FOXN3: variants seen among roughly 807,000 people sequenced by gnomAD.
FOXN3 encodes forkhead box N3.
A neutral mutation model predicts 38.4 loss-of-function variants in FOXN3; 7 were observed. The observed-to-expected ratio is 0.18, with a 90% CI of 0.10 to 0.34. The LOEUF is 0.34. FOXN3 is among the 10% of genes least tolerant of loss of function. The probability of loss-of-function intolerance (pLI) is 1.00; values close to 1 mark genes in which losing one functional copy is unlikely to be tolerated. For missense variants in FOXN3, 456 were observed against 613.4 expected (o/e 0.74, Z 2.71); for synonymous variants, 230 against 242.2 (o/e 0.95, Z 0.47).
At chr14:89,212,080 G>GA (rs1208367900) in intron 4 of FOXN3, among the ~76,000 whole-genome samples, 1 of 152,194 alleles carries the variant, frequency 6.6e-6, no homozygotes, top group Non-Finnish European at 1.5e-5. Flanking sequence ...AGCCAGACGT[G>GA]AAAGTCTGTA....
At chr14:89,255,924 C>G (rs1419162231) in intron 4 of FOXN3, among the ~76,000 whole-genome samples, 2 of 152,148 alleles carry the variant, frequency 1.3e-5, no homozygotes, top group Non-Finnish European at 2.9e-5. Flanking sequence ...GGCTCTCACA[C>G]TTTCGTTTTT....
intron 2 of FOXN3, among the ~76,000 whole-genome samples, chr14:89,397,135 G>C (rs1238017513): frequency 2.0e-5 from 3 of 152,108 alleles, no homozygotes; most frequent in African/African-American, 7.2e-5. Context: ...TCTTTTACGG[G>C]AACATGGATG....
At chr14:89,521,252 G>A (rs4904587) in intron 1 of FOXN3, among the ~76,000 whole-genome samples, 19,347 of 152,016 alleles carry the variant, frequency 0.13, 1,380 homozygotes, top group Middle Eastern at 0.18. Context: ...AGACGTTGCA[G>A]TGAGCCAAGA....
chr14:89,163,023 G>C lies in FOXN3; in HGVS notation c.852-54C>G. ...GGGAGACAAAGAAGGGACACAGTTA[G>C]ACGTCCTCAGATGGGGGCACCCGGC... On this transcript the variant is annotated intron_variant, in intron 5 of 5. Transcript: ENST00000557258. The surrounding 1 kb of genome is among the most constrained non-coding windows in gnomAD (Gnocchi z 4.3). The C allele has an allele frequency of 6.9e-7, 1 of 1,455,554 alleles. No individual in the cohort carries two copies. The highest frequency in any genetic ancestry group is 9.1e-7 in the Non-Finnish European group (1 of 1,102,722). The allele number at this position is 1,455,554 out of a possible 1,614,324, so 90.2% of individuals were successfully genotyped here.
intron 3 of FOXN3, among the ~76,000 whole-genome samples, chr14:89,288,108 T>A (rs1199094073): frequency 6.6e-6 from 1 of 151,672 alleles, no homozygotes; most frequent in Non-Finnish European, 1.5e-5. Flanking sequence ...CCTGCAAAGA[T>A]CCAAAATGGG....
At chr14:89,202,692 C>T (rs1241181005) in intron 4 of FOXN3, among the ~76,000 whole-genome samples, 2 of 152,100 alleles carry the variant, frequency 1.3e-5, no homozygotes, top group African/African-American at 2.4e-5. Flanking sequence ...AAGAGCCTGG[C>T]ACCTCCCTCC....
intron 1 of FOXN3, among the ~76,000 whole-genome samples, chr14:89,529,591 T>C (rs1566688101): frequency 6.6e-6 from 1 of 152,214 alleles, no homozygotes; most frequent in Non-Finnish European, 1.5e-5. Flanking sequence ...GAATTTCAAA[T>C]GTTTATCATC....
At chr14:89,558,994 G>A (rs1028008172) in intron 1 of FOXN3, among the ~76,000 whole-genome samples, 6 of 152,186 alleles carry the variant, frequency 3.9e-5, no homozygotes, top group Admixed American at 6.5e-5. Flanking sequence ...AACGCACAGC[G>A]CTGCCAAAGA....
chr14:89,208,301 C>A (rs1295434563), intron 4 of FOXN3, among the ~76,000 whole-genome samples: 1 of 152,168 alleles, frequency 6.6e-6, no homozygotes, highest in Non-Finnish European at 1.5e-5. Flanking sequence ...CAGGCATCCG[C>A]GCTTATTCCC....
intron 4 of FOXN3, among the ~76,000 whole-genome samples, chr14:89,229,996 A>G (rs1160490480): frequency 6.6e-6 from 1 of 152,206 alleles, no homozygotes; most frequent in Non-Finnish European, 1.5e-5. Context: ...AGTGAGAGAC[A>G]GGGTACAACA....
At chr14:89,530,959 T>C (rs970554092) in intron 1 of FOXN3, among the ~76,000 whole-genome samples, 2 of 147,712 alleles carry the variant, frequency 1.4e-5, no homozygotes, top group Admixed American at 1.4e-4. Flanking sequence ...TATACATATA[T>C]ACACATATAT....
chr14:89,543,253 T>C (rs1894825542), intron 1 of FOXN3, among the ~76,000 whole-genome samples: 2 of 152,184 alleles, frequency 1.3e-5, no homozygotes, highest in Admixed American at 1.3e-4. Context: ...ACTTGGATGC[T>C]CACGGTCCAC....
chr14:89,527,973 A>T (rs990623890), intron 1 of FOXN3, among the ~76,000 whole-genome samples: 1 of 152,192 alleles, frequency 6.6e-6, no homozygotes, highest in African/African-American at 2.4e-5. Flanking sequence ...AAGTGCTGGG[A>T]TTACCAACAA....
At position 89,359,457 on chromosome 14, in the gene FOXN3, A is replaced by G. The variant is rs978117732; in HGVS notation, c.544-8649T>C. Among the ~76,000 whole-genome samples the G allele has an allele frequency of 5.3e-5, 8 of 152,338 alleles. No individual in the cohort carries two copies. The East Asian group carries it at 1.3e-3, about 26-fold the overall frequency. ...GAAATCATGCAGATTTCATCTAAAA[A>G]AATTGCACATGACTATTTGTTTTCC... is the stretch of plus-strand genomic sequence containing the variant. On this transcript the variant is annotated intron_variant, in intron 2 of 5. Coordinates refer to ENST00000557258, the MANE Select transcript of FOXN3 (RefSeq NM_005197.4).
At chr14:89,617,221 C>G (rs183523150) in intron 1 of FOXN3, among the ~76,000 whole-genome samples, 21 of 152,274 alleles carry the variant, frequency 1.4e-4, no homozygotes, top group Non-Finnish European at 2.2e-4. Context: ...TGGGACAGTG[C>G]TTCTTTAATG....
chr14:89,245,289 C>T (rs1044387031), intron 4 of FOXN3, among the ~76,000 whole-genome samples: 2 of 152,084 alleles, frequency 1.3e-5, no homozygotes, highest in African/African-American at 2.4e-5. Flanking sequence ...ATCTTCCTGA[C>T]GCTCCACGGA....
intron 3 of FOXN3, among the ~76,000 whole-genome samples, chr14:89,321,369 A>C (rs1289157134): frequency 6.6e-6 from 1 of 152,060 alleles, no homozygotes; most frequent in Non-Finnish European, 1.5e-5. Flanking sequence ...CGAGGTTGGG[A>C]GATGGAGACC....
chr14:89,413,930 G>C (rs973044897), intron 1 of FOXN3, among the ~76,000 whole-genome samples: 1 of 139,072 alleles, frequency 7.2e-6, no homozygotes, highest in Non-Finnish European at 1.6e-5. Context: ...AGGAAGAAGC[G>C]GGAGGGGGAG....
chr14:89,388,699 G>C (rs902338395), intron 2 of FOXN3, among the ~76,000 whole-genome samples: 4 of 151,850 alleles, frequency 2.6e-5, no homozygotes, highest in Non-Finnish European at 2.9e-5. Flanking sequence ...CTCTCTGAAG[G>C]GGTGTCATTA....
Sources: allele counts gnomAD v4.1 joint callset (sites outside exome capture counted in the v4.1 genomes callset), GRCh38; gene constraint gnomAD v4.1.1; non-coding constraint Gnocchi (gnomAD v3.1); transcripts MANE v1.5; gene names NCBI Gene and HGNC (gene_info 2026-07-23, HGNC 2026-07-21).